Variants in CTNND2 observed in about 807,000 individuals in gnomAD.
CTNND2 encodes catenin delta-2.
CTNND2 carries 22 observed loss-of-function variants against 144.4 expected under a neutral mutation model. That is an observed-to-expected ratio of 0.15 (90% confidence interval 0.11 to 0.22). The LOEUF (loss-of-function observed/expected upper bound fraction) is 0.22. Ranked by LOEUF, CTNND2 falls within the 10% of genes least tolerant of loss-of-function variation. The probability of loss-of-function intolerance (pLI) is 1.00; values close to 1 mark genes in which losing one functional copy is unlikely to be tolerated. For synonymous variants in CTNND2, 751 were observed against 695.6 expected, an observed-to-expected ratio of 1.08 and a Z score of -1.25; for missense variants, 1,353 against 1,618.8, an observed-to-expected ratio of 0.84 and a Z score of 2.82.
intron 9 of CTNND2, among the ~76,000 whole-genome samples, chr5:11,338,445 A>G (rs1240357945): frequency 6.6e-6 from 1 of 152,216 alleles, no homozygotes; most frequent in African/African-American, 2.4e-5. Flanking sequence ...TTTTACTGAT[A>G]GCACATGGAT....
chr5:11,445,722 T>C (rs866937153), intron 3 of CTNND2, among the ~76,000 whole-genome samples: 4 of 152,224 alleles, frequency 2.6e-5, no homozygotes, highest in Admixed American at 6.5e-5. Flanking sequence ...AGAACAATCA[T>C]ATAGCGGGGC....
chr5:11,750,549 AACATGATAGTCTAAATT>A (rs1489213353), intron 1 of CTNND2, among the ~76,000 whole-genome samples: 1 of 151,912 alleles, frequency 6.6e-6, no homozygotes, highest in African/African-American at 2.4e-5. Flanking sequence ...GAGTTAAAAG[AACATGATAGTCTAAATT>A]TCTCTTGAAA....
chr5:11,292,176 G>A (rs898038043), intron 9 of CTNND2, among the ~76,000 whole-genome samples: 1 of 152,156 alleles, frequency 6.6e-6, no homozygotes. Flanking sequence ...CATCTATTGA[G>A]GATCTACTAA....
Position 11,509,590 on chromosome 5 carries a change from C to T in CTNND2, c.287+55354G>A, listed in dbSNP as rs31814. 4.1e-3 allele frequency among the ~76,000 whole-genome samples: 627 copies of T among 152,038 alleles called. 5 individuals carry two copies. Among genetic ancestry groups the T allele is most frequent in the African/African-American group, 0.014 (595 of 41,446 alleles). On this transcript the variant is annotated intron_variant, in intron 3 of 21. Coordinates refer to ENST00000304623, the MANE Select transcript of CTNND2 (RefSeq NM_001332.4). Reference sequence around the variant, plus strand: ...TATAGGATACAGAAATTGAGCATTACGGAAGAGACCACAAAGTAAAACAAA... The same window carrying T: ...TATAGGATACAGAAATTGAGCATTATGGAAGAGACCACAAAGTAAAACAAA...
At chr5:11,296,222 A>G (rs1243432406) in intron 9 of CTNND2, among the ~76,000 whole-genome samples, 1 of 152,138 alleles carries the variant, frequency 6.6e-6, no homozygotes, top group Non-Finnish European at 1.5e-5. Flanking sequence ...GCCAAAAAAC[A>G]CATGAAAAAA....
At chr5:11,058,087 C>T (rs1309253414) in intron 16 of CTNND2, among the ~76,000 whole-genome samples, 2 of 152,190 alleles carry the variant, frequency 1.3e-5, no homozygotes, top group Non-Finnish European at 2.9e-5. Flanking sequence ...GTTTGGAAAA[C>T]TTGCAGTCTG....
chr5:11,016,637 C>T (rs993012171), intron 18 of CTNND2, among the ~76,000 whole-genome samples: 3 of 152,192 alleles, frequency 2.0e-5, no homozygotes, highest in African/African-American at 7.2e-5. Flanking sequence ...CAGGGGGCTG[C>T]AGGTGGGTGC....
chr5:11,878,667 A>T (rs1045488196), intron 1 of CTNND2, among the ~76,000 whole-genome samples: 1 of 152,138 alleles, frequency 6.6e-6, no homozygotes, highest in Admixed American at 6.5e-5. Flanking sequence ...CGGTGTCTAC[A>T]CCTTTTCAGG....
chr5:11,453,534 G>A (rs1344973381), intron 3 of CTNND2, among the ~76,000 whole-genome samples: 4 of 152,072 alleles, frequency 2.6e-5, no homozygotes, highest in Non-Finnish European at 5.9e-5. Flanking sequence ...GGTTTCAGCC[G>A]AAATATCAGG....
intron 2 of CTNND2, among the ~76,000 whole-genome samples, chr5:11,682,990 G>A (rs187348682): frequency 5.3e-5 from 8 of 152,318 alleles, no homozygotes; most frequent in African/African-American, 1.9e-4. Context: ...TAAATTTATT[G>A]GAACAGAATA....
intron 11 of CTNND2, among the ~76,000 whole-genome samples, chr5:11,170,858 A>G (rs1357943125): frequency 6.6e-6 from 1 of 152,222 alleles, no homozygotes; most frequent in African/African-American, 2.4e-5. Flanking sequence ...CCTCACAACC[A>G]TGGGAGAAGA....
chr5:11,757,007 T>C (rs1405192791), intron 1 of CTNND2, among the ~76,000 whole-genome samples: 1 of 151,632 alleles, frequency 6.6e-6, no homozygotes, highest in African/African-American at 2.4e-5. Context: ...AATTACACAA[T>C]ATCTGGTTTT....
At position 11,131,280 on chromosome 5, in the gene CTNND2, A is replaced by G. The variant is rs541047793; in HGVS notation, c.2160-13713T>C. Among the ~76,000 whole-genome samples, 9 of 152,306 alleles carry G rather than the reference A, an allele frequency of 5.9e-5. No individual in the cohort carries two copies. The South Asian group carries it at 1.9e-3, about 32-fold the overall frequency. On this transcript the variant is annotated intron_variant, in intron 12 of 21. Transcript: ENST00000304623. ...CACCAAGCAGTTGGCTTCCAGGAAA[A>G]TAAATACCATGTGACTAAATAAATA... is the stretch of plus-strand genomic sequence containing the variant.
chr5:11,075,696 C>T (rs1325449586), intron 16 of CTNND2, among the ~76,000 whole-genome samples: 3 of 152,246 alleles, frequency 2.0e-5, no homozygotes, highest in Admixed American at 6.5e-5. Context: ...CGCAGGGATG[C>T]GGTGGCCCCG....
intron 2 of CTNND2, among the ~76,000 whole-genome samples, chr5:11,597,432 A>G (rs756814021): frequency 3.3e-5 from 5 of 152,190 alleles, no homozygotes; most frequent in Admixed American, 3.3e-4. Flanking sequence ...AGCTGCTGAC[A>G]TATCTGATGG....
intron 1 of CTNND2, among the ~76,000 whole-genome samples, chr5:11,756,109 T>C (rs893572896): frequency 1.3e-5 from 2 of 151,704 alleles, no homozygotes; most frequent in African/African-American, 2.4e-5. Context: ...GCTAACATTA[T>C]GCAAAAACTT....
intron 3 of CTNND2, among the ~76,000 whole-genome samples, chr5:11,416,680 T>C (rs1761960594): frequency 6.6e-6 from 1 of 152,202 alleles, no homozygotes; most frequent in Non-Finnish European, 1.5e-5. Flanking sequence ...ATCAGGTGTC[T>C]AGGAATTACC....
chr5:11,137,676 C>A lies in CTNND2; in HGVS notation c.2160-20109G>T, dbSNP rs531039465. ...ACTGCCAGGTCTTCTTGCAAACATGCAAAACACAGACCTCCTAGCAAACAA... is the reference window on the plus strand; with the variant it reads ...ACTGCCAGGTCTTCTTGCAAACATGAAAAACACAGACCTCCTAGCAAACAA... On this transcript the variant is annotated intron_variant, in intron 12 of 21. Coordinates refer to ENST00000304623, the MANE Select transcript of CTNND2 (RefSeq NM_001332.4). Among the ~76,000 whole-genome samples, 38 of 152,280 alleles carry A rather than the reference C, an allele frequency of 2.5e-4. No individual in the cohort carries two copies. The South Asian group carries it at 7.7e-3, about 31-fold the overall frequency.
intron 16 of CTNND2, among the ~76,000 whole-genome samples, chr5:11,050,381 T>C (rs1745707441): frequency 6.6e-6 from 1 of 152,220 alleles, no homozygotes; most frequent in Non-Finnish European, 1.5e-5. Context: ...TCCTTTACAA[T>C]TTGTATCTAC....
Sources: gnomAD v4.1 joint callset for allele counts (sites outside exome capture counted in the v4.1 genomes callset) on GRCh38, gnomAD v4.1.1 for gene constraint, MANE v1.5 for transcripts, NCBI Gene and HGNC (gene_info 2026-07-23, HGNC 2026-07-21) for gene names.